Variants in STEAP4 observed in about 807,000 individuals in gnomAD.
The protein encoded by STEAP4 is metalloreductase STEAP4.
A neutral mutation model predicts 43.6 loss-of-function variants in STEAP4; 36 were observed. The ratio of observed to expected loss-of-function variants is 0.83; its 90% confidence interval spans 0.63 to 1.09. STEAP4 has a LOEUF of 1.09. STEAP4 is among the 50% of genes least tolerant of loss of function. The pLI, the probability that STEAP4 is intolerant of heterozygous loss-of-function variation, is 0.00. For synonymous variants in STEAP4, 191 were observed against 196.7 expected (o/e 0.97, Z 0.24); for missense variants, 495 against 546.5 (o/e 0.91, Z 0.94).
chr7:88,292,769 G>C (rs1852856293), intron 1 of STEAP4: 2 of 152,128 alleles, frequency 1.3e-5, no homozygotes, highest in Admixed American at 1.3e-4. Context: ...GTCATTTTGA[G>C]AATGAATAAA....
At chr7:88,279,696 AG>A in intron 4 of STEAP4, 68 bp from the exon 5 acceptor site, 3 of 1,279,592 alleles carry the variant, frequency 2.3e-6, no homozygotes, top group Non-Finnish European at 2.2e-6. Flanking sequence ...ACTCTAAGCC[AG>A]TGACAGATAT....
intron 4 of STEAP4, 55 bp from the exon 5 acceptor site, chr7:88,279,683 A>T: frequency 2.2e-6 from 3 of 1,385,308 alleles, no homozygotes; most frequent in Non-Finnish European, 3.0e-6. Flanking sequence ...CTTAAAGTGA[A>T]ACACTCTAAG....
chr7:88,300,492 C>A (rs1853013874), intron 1 of STEAP4, among the ~76,000 whole-genome samples: 1 of 152,140 alleles, frequency 6.6e-6, no homozygotes. Flanking sequence ...ACTTTGCCCA[C>A]CTTTGGCCTC....
chr7:88,273,238 G>T lies in STEAP4; in HGVS notation c.*6160C>A, dbSNP rs892820093. On this transcript the variant is annotated 3_prime_UTR_variant, in exon 5 of 5. Coordinates refer to ENST00000380079, the MANE Select transcript of STEAP4 (RefSeq NM_024636.4). ...TTTTGCTGTAATGAAATGAGAACAGGAAGTCTGTCATTCTTTTTCATCTCT... is the reference window on the plus strand; with the variant it reads ...TTTTGCTGTAATGAAATGAGAACAGTAAGTCTGTCATTCTTTTTCATCTCT... The T allele has an allele frequency of 1.5e-4, 23 of 152,166 alleles. No homozygotes were observed. Among genetic ancestry groups the T allele is most frequent in the African/African-American group, 5.3e-4 (22 of 41,438 alleles). 9.4% of individuals were successfully genotyped at this position (152,166 alleles called of 1,614,324 possible). A position where few individuals can be genotyped will look rare whatever the true frequency, so the allele number is the denominator to read the frequency against.
chr7:88,294,088 C>T (rs952866837), intron 1 of STEAP4, among the ~76,000 whole-genome samples: 4 of 152,006 alleles, frequency 2.6e-5, no homozygotes, highest in African/African-American at 9.7e-5. Context: ...TTAATTCATA[C>T]AAAAGCATAA....
At position 88,276,755 on chromosome 7, in the gene STEAP4, AAGG is replaced by A. The variant is rs1474218161; in HGVS notation, c.*2640_*2642del. The A allele has an allele frequency of 6.5e-6, 1 of 152,866 alleles. No homozygotes were observed. Among genetic ancestry groups the A allele is most frequent in the Non-Finnish European group, 1.5e-5 (1 of 68,066 alleles). 9.5% of individuals were successfully genotyped at this position (152,866 alleles called of 1,614,324 possible). ...AGCAGGGAGGTTGTGGGAAGGACAG[AAGG>A]AGAACTTGGGCTTTCTTTGGTCAGC... On this transcript the variant is annotated 3_prime_UTR_variant, in exon 5 of 5. Coordinates refer to ENST00000380079, the MANE Select transcript of STEAP4 (RefSeq NM_024636.4).
Position 88,279,205 on chromosome 7 carries a change from G to T in STEAP4, c.*193C>A. 1.7e-6 allele frequency: 1 copy of T among 588,866 alleles called. No individual in the cohort carries two copies. The highest frequency in any genetic ancestry group is 2.0e-5 in the South Asian group (1 of 49,826). The allele number at this position is 588,866 out of a possible 1,614,324, so 36.5% of individuals were successfully genotyped here. On this transcript the variant is annotated 3_prime_UTR_variant, in exon 5 of 5. Transcript: ENST00000380079. The stretch of plus-strand genomic sequence containing the variant: ...CTGCACTGATTCTTCACTAACCTGA[G>T]ATAAAATGGTGTTCTCTTCCAGTAT...
In STEAP4 at chr7:88,277,900, C is replaced by A. The variant is rs186244648; in HGVS notation, c.*1498G>T. On this transcript the variant is annotated 3_prime_UTR_variant, in exon 5 of 5. Transcript: ENST00000380079. ...AAAAATAATAAAAAGGAAAACAAAG[C>A]CTTTAGAAAAACAAAGCCTTTGAAA... 6.6e-6 allele frequency: 1 copy of A among 151,312 alleles called. No individual in the cohort carries two copies. The highest frequency in any genetic ancestry group is 1.9e-4 in the East Asian group (1 of 5,190). 9.4% of individuals were successfully genotyped at this position (151,312 alleles called of 1,614,324 possible).
intron 3 of STEAP4, chr7:88,281,809 T>G (rs1252148804): frequency 6.6e-6 from 1 of 152,234 alleles, no homozygotes; most frequent in African/African-American, 2.4e-5. Flanking sequence ...CTCAGAATTA[T>G]TTGGTTTTCT....
intron 1 of STEAP4, among the ~76,000 whole-genome samples, chr7:88,300,298 T>G (rs1189997901): frequency 6.6e-6 from 1 of 152,210 alleles, no homozygotes; most frequent in African/African-American, 2.4e-5. Flanking sequence ...AACCTCTGCT[T>G]CTTGGGTTCA....
intron 2 of STEAP4, chr7:88,283,431 T>G (rs968654120): frequency 1.0e-5 from 5 of 488,398 alleles, no homozygotes; most frequent in Non-Finnish European, 1.8e-5. Flanking sequence ...ACACTGTGAG[T>G]AGTTTGATCT....
intron 1 of STEAP4, 89 bp from the exon 2 acceptor site, chr7:88,284,360 T>C (rs1260606525): frequency 2.1e-6 from 2 of 948,226 alleles, no homozygotes; most frequent in East Asian, 2.6e-5. Flanking sequence ...AGTAATGTAA[T>C]TGACTTGTTG....
chr7:88,281,007 T>G lies in STEAP4; in HGVS notation c.1057A>C (p.Ile353Leu). ...AGTACAAACAGAAAAAACCCAAGTA[T>G]TCCCAAAGCCACATATGAATCACTG... ...WLSDSYVALGILGFFLFVLLG... is the reference protein window; with the variant it reads ...WLSDSYVALGLLGFFLFVLLG... Residue 353 changes from isoleucine (I) to leucine (L), a missense_variant, in exon 4 of 5, where the codon ATA becomes CTA. Ile to Leu is a conservative substitution (Grantham distance 5, BLOSUM62 2). Coordinates refer to ENST00000380079, the MANE Select transcript of STEAP4 (RefSeq NM_024636.4). 1 of 1,613,568 alleles carries G rather than the reference T, an allele frequency of 6.2e-7. No individual in the cohort carries two copies. Among genetic ancestry groups the G allele is most frequent in the Non-Finnish European group, 8.5e-7 (1 of 1,179,786 alleles).
At chr7:88,297,690 G>A (rs1852945439) in intron 1 of STEAP4, among the ~76,000 whole-genome samples, 1 of 152,062 alleles carries the variant, frequency 6.6e-6, no homozygotes, top group South Asian at 2.1e-4. Flanking sequence ...AGGCAAGAAG[G>A]AGTTTGCAGG....
intron 4 of STEAP4, 61 bp from the exon 5 acceptor site, chr7:88,279,689 C>T: frequency 2.3e-6 from 3 of 1,331,978 alleles, no homozygotes; most frequent in Non-Finnish European, 2.1e-6. Context: ...GTGAAACACT[C>T]TAAGCCAGTG....
chr7:88,303,184 TAAAAAAAA>T (rs112528523), intron 1 of STEAP4, among the ~76,000 whole-genome samples: 3 of 101,700 alleles, frequency 2.9e-5, no homozygotes, highest in Non-Finnish European at 6.4e-5. Flanking sequence ...TAATCTGCAT[TAAAAAAAA>T]AAAAAAAAAA....
At chr7:88,287,757 A>G (rs1852760894) in intron 1 of STEAP4, among the ~76,000 whole-genome samples, 1 of 152,194 alleles carries the variant, frequency 6.6e-6, no homozygotes, top group African/African-American at 2.4e-5. Context: ...CATAGGAGCA[A>G]TCTGGGGAAG....
chr7:88,283,071 G>T lies in STEAP4; in HGVS notation c.554C>A (p.Ala185Glu), dbSNP rs899721093. The T allele has an allele frequency of 3.1e-6, 5 of 1,612,936 alleles. No homozygotes were observed. Among genetic ancestry groups the T allele is most frequent in the Non-Finnish European group, 4.2e-6 (5 of 1,179,560 alleles). The change falls in exon 3 of 5, where the codon GCA (alanine) becomes GAA (glutamate). Residue 185 changes from alanine (A) to glutamate (E), a missense_variant. Transcript: ENST00000380079. Reference sequence around the variant, plus strand: ...GGGGTACTTTTCAATTTCTTTGGCTGCCATGAGTGATCCTTGATCCATTGG... The same window carrying T: ...GGGGTACTTTTCAATTTCTTTGGCTTCCATGAGTGATCCTTGATCCATTGG... ...LTPMDQGSLM[A>E]AKEIEKYPLQ...
chr7:88,304,397 C>T (rs1853093758), intron 1 of STEAP4: 1 of 151,902 alleles, frequency 6.6e-6, no homozygotes, highest in Admixed American at 6.6e-5. Flanking sequence ...CTCTGTAAAC[C>T]TTACATTATT....
Sources: allele counts gnomAD v4.1 joint callset (sites outside exome capture counted in the v4.1 genomes callset), GRCh38; gene constraint gnomAD v4.1.1; transcripts MANE v1.5; gene names NCBI Gene and HGNC (gene_info 2026-07-23, HGNC 2026-07-21).